STAT2: variants seen among roughly 807,000 people sequenced by gnomAD.
STAT2 encodes signal transducer and activator of transcription 2.
A neutral mutation model predicts 122.3 loss-of-function variants in STAT2; 51 were observed. The observed-to-expected ratio is 0.42, with a 90% confidence interval of 0.33 to 0.53. STAT2 has a LOEUF of 0.53. Ranked by LOEUF, STAT2 falls within the 20% of genes least tolerant of loss-of-function variation. The pLI is 0.10. For synonymous variants in STAT2, 351 were observed against 394.9 expected, an observed-to-expected ratio of 0.89 and a Z score of 1.32; for missense variants, 736 against 1,010.3, an observed-to-expected ratio of 0.73 and a Z score of 3.68.
intron 22 of STAT2, among the ~76,000 whole-genome samples, chr12:56,345,930 A>G (rs1243071423): frequency 6.6e-6 from 1 of 152,084 alleles, no homozygotes; most frequent in East Asian, 1.9e-4. Context: ...AGAACCAGAA[A>G]AAACTAGAGT....
intron 14 of STAT2, 35 bp downstream of exon 14, chr12:56,349,554 C>A: frequency 6.2e-7 from 1 of 1,614,158 alleles, no homozygotes; most frequent in South Asian, 1.1e-5. Flanking sequence ...CTTTGGCAAG[C>A]TCCCCCTGCC....
intron 10 of STAT2, 55 bp from the exon 11 acceptor site, chr12:56,350,943 A>C (rs1442084072): frequency 6.2e-7 from 1 of 1,602,370 alleles, no homozygotes; most frequent in East Asian, 2.2e-5. Context: ...TTCCGGATAG[A>C]CTAGATGTTT....
rs1307432672 is a variant in STAT2, at chr12:56,342,021, G to C, written c.*1368C>G. On this transcript the variant is annotated 3_prime_UTR_variant, in exon 24 of 24. Transcript: ENST00000314128. Reference sequence around the variant, plus strand: ...ACTATAAAAAAGAAATTCCTGCTGGGAACAGTGGCTCACGCCTGTAATCCC... The same window carrying C: ...ACTATAAAAAAGAAATTCCTGCTGGCAACAGTGGCTCACGCCTGTAATCCC... The C allele has an allele frequency of 6.6e-6, 1 of 152,380 alleles. No individual in the cohort carries two copies. Among genetic ancestry groups the C allele is most frequent in the East Asian group, 1.9e-4 (1 of 5,186 alleles). 9.4% of individuals were successfully genotyped at this position (152,380 alleles called of 1,614,324 possible).
chr12:56,356,029 C>T (rs1222960042), intron 3 of STAT2, 103 bp downstream of exon 3: 6 of 1,493,352 alleles, frequency 4.0e-6, no homozygotes, highest in East Asian at 2.3e-5. Context: ...CACATTTGTT[C>T]CCGTCTCCCT....
At chr12:56,357,024 GTATTTTT>G (rs1879616012) in intron 1 of STAT2, among the ~76,000 whole-genome samples, 1 of 103,584 alleles carries the variant, frequency 9.7e-6, no homozygotes, top group Non-Finnish European at 1.9e-5. Flanking sequence ...TGCCTAATCT[GTATTTTT>G]TTTTTTTTTT....
rs537570770 is a variant in STAT2 at position 56,349,846 on chromosome 12, C to A, written c.1210-210G>T. ...GGTGGATCACCTGAGGTCAGGAGTT[C>A]GAGACCAGCCCGACCAATATGGTGA... is the stretch of plus-strand genomic sequence containing the variant. On this transcript the variant is annotated intron_variant, in intron 13 of 23. Coordinates refer to ENST00000314128, the MANE Select transcript of STAT2 (RefSeq NM_005419.4). The A allele has an allele frequency of 8.9e-6, 6 of 677,590 alleles. No individual in the cohort carries two copies. The East Asian group carries it at 1.6e-4, about 18-fold the overall frequency. 42.0% of individuals were successfully genotyped at this position (677,590 alleles called of 1,614,324 possible).
chr12:56,351,523 CTG>C lies in STAT2; in HGVS notation c.783-75_783-74del, dbSNP rs1435460708. 10 of 1,523,194 alleles carry C rather than the reference CTG, an allele frequency of 6.6e-6. No individual in the cohort carries two copies. In the Admixed American group the frequency reaches 1.8e-4, roughly 28 times the overall value. The allele number at this position is 1,523,194 out of a possible 1,614,324, so 94.4% of individuals were successfully genotyped here. A position where few individuals can be genotyped will look rare whatever the true frequency, so the allele number is the denominator to read the frequency against. ...CCCCCATCCAGGTTCCAAGATCTCT[CTG>C]TAAATATGTGAAGAGTCAGAAACTG... On this transcript the variant is annotated intron_variant, in intron 8 of 23. Transcript: ENST00000314128.
At chr12:56,350,464 G>A (rs1372112806) in intron 11 of STAT2, 32 bp from the exon 12 acceptor site, 1 of 1,582,876 alleles carries the variant, frequency 6.3e-7, no homozygotes, top group Non-Finnish European at 8.6e-7. Flanking sequence ...AAAATCATTG[G>A]GCAAAAGAGT....
At chr12:56,354,085 T>C (rs1177400094) in intron 8 of STAT2, among the ~76,000 whole-genome samples, 1 of 125,718 alleles carries the variant, frequency 8.0e-6, no homozygotes, top group Non-Finnish European at 1.7e-5. Flanking sequence ...GATTTCAAAA[T>C]AGTATGGACA....
chr12:56,348,861 A>G (rs1877967910), intron 17 of STAT2, 57 bp from the exon 18 acceptor site: 11 of 1,614,026 alleles, frequency 6.8e-6, no homozygotes, highest in Non-Finnish European at 9.3e-6. Flanking sequence ...CCTGGGATAG[A>G]TAGGACAGAG....
At position 56,346,886 on chromosome 12, in the gene STAT2, A is replaced by G; in HGVS notation, c.1794T>C (p.Phe598=). The change falls in exon 20 of 24, where the codon TTT becomes TTC. Residue 598 remains phenylalanine (F), a synonymous_variant. Transcript: ENST00000314128. ...RLLKKTMSGT[F]LLRFSESSEG... ...CTGACGATTCACTGAAGCGCAGTAG[A>G]AAGGTGCCAGACATGGTCTTCTTCA... 1 of 1,614,172 alleles carries G rather than the reference A, an allele frequency of 6.2e-7. No individual in the cohort carries two copies. The highest frequency in any genetic ancestry group is 8.5e-7 in the Non-Finnish European group (1 of 1,180,018).
At chr12:56,349,352 G>T in intron 15 of STAT2, 74 bp downstream of exon 15, 2 of 1,614,032 alleles carry the variant, frequency 1.2e-6, no homozygotes, top group Non-Finnish European at 1.7e-6. Context: ...CACCCCAAGA[G>T]GCTTCTGTTT....
At position 56,342,426 on chromosome 12, in the gene STAT2, C is replaced by T. The variant is rs1361912124; in HGVS notation, c.*963G>A. ...CCAGCCTGGGCAATATAGCAAGACC[C>T]TGTCTTTAAAAAAAAAAAATAGGGC... is the stretch of plus-strand genomic sequence containing the variant. On this transcript the variant is annotated 3_prime_UTR_variant, in exon 24 of 24. Coordinates refer to ENST00000314128, the MANE Select transcript of STAT2 (RefSeq NM_005419.4). 1 of 151,864 alleles carries T rather than the reference C, an allele frequency of 6.6e-6. No homozygotes were observed. Among genetic ancestry groups the T allele is most frequent in the Non-Finnish European group, 1.5e-5 (1 of 68,028 alleles). 9.4% of individuals were successfully genotyped at this position (151,864 alleles called of 1,614,324 possible).
Position 56,346,907 on chromosome 12 carries a change from C to G in STAT2, c.1773G>C (p.Lys591Asn). The G allele has an allele frequency of 6.2e-7, 1 of 1,614,198 alleles. No individual in the cohort carries two copies. Among genetic ancestry groups the G allele is most frequent in the Non-Finnish European group, 8.5e-7 (1 of 1,180,046 alleles). The change falls in exon 20 of 24, where the codon AAG (lysine) becomes AAC (asparagine). Residue 591 changes from lysine (K) to asparagine (N), a missense_variant. By Grantham distance (94) the Lys-to-Asn change is moderately conservative (BLOSUM62 0). Coordinates refer to ENST00000314128, the MANE Select transcript of STAT2 (RefSeq NM_005419.4). ...VSRSQERRLL[K>N]KTMSGTFLLR... ...GTAGAAAGGTGCCAGACATGGTCTT[C>G]TTCAGCAGCCGGCGCTCCTGGCTCC...
rs1334517466 is a variant in STAT2 at position 56,342,974 on chromosome 12, CTG to C, written c.*413_*414del. Reference sequence around the variant, plus strand: ...TGGAAGAAAGAAATGGAGTCCTATCCTGTGTCTGTGCTCCCCACCAAGGGCCA... The same window carrying C: ...TGGAAGAAAGAAATGGAGTCCTATCCTGTCTGTGCTCCCCACCAAGGGCCA... On this transcript the variant is annotated 3_prime_UTR_variant, in exon 24 of 24. Coordinates refer to ENST00000314128, the MANE Select transcript of STAT2 (RefSeq NM_005419.4). 1 of 161,346 alleles carries C rather than the reference CTG, an allele frequency of 6.2e-6. No individual in the cohort carries two copies. Among genetic ancestry groups the C allele is most frequent in the African/African-American group, 2.4e-5 (1 of 41,736 alleles). 10.0% of individuals were successfully genotyped at this position (161,346 alleles called of 1,614,324 possible). A position where few individuals can be genotyped will look rare whatever the true frequency, so the allele number is the denominator to read the frequency against.
At chr12:56,353,040 G>A (rs964546891) in intron 8 of STAT2, among the ~76,000 whole-genome samples, 3 of 151,226 alleles carry the variant, frequency 2.0e-5, no homozygotes, top group Non-Finnish European at 4.4e-5. Flanking sequence ...CTGGAGTACA[G>A]TGGCATGATC....
chr12:56,357,181 C>A (rs1352939437), intron 1 of STAT2, among the ~76,000 whole-genome samples: 1 of 151,760 alleles, frequency 6.6e-6, no homozygotes, highest in Non-Finnish European at 1.5e-5. Context: ...GGATTACAGG[C>A]ACCCACCACC....
chr12:56,346,727 C>T (rs1877519789), intron 20 of STAT2, 92 bp downstream of exon 20: 2 of 1,604,064 alleles, frequency 1.2e-6, no homozygotes, highest in East Asian at 4.5e-5. Context: ...GGATTCAGTT[C>T]AGAGCCAGGG....
chr12:56,355,511 C>A lies in STAT2; in HGVS notation c.403G>T (p.Glu135Ter), dbSNP rs753806117. The A allele has an allele frequency of 1.2e-6, 2 of 1,614,024 alleles. No individual in the cohort carries two copies. The highest frequency in any genetic ancestry group is 1.7e-6 in the Non-Finnish European group (2 of 1,180,030). ...TGTTGCTGGCTCTCCACAGGTGTTT[C>A]GAGAACTGGCTCTCCTTGTTCCTGA... is the stretch of plus-strand genomic sequence containing the variant. ...AQLEQGEPVL[E>*]TPVESQQHEI... The change falls in exon 5 of 24, where the codon GAA becomes TAA. Residue 135 changes from glutamate to a stop codon, truncating the protein, a stop_gained. Transcript: ENST00000314128. LOFTEE classifies it high-confidence loss of function.
Sources: gnomAD v4.1 joint callset for allele counts (sites outside exome capture counted in the v4.1 genomes callset) on GRCh38, gnomAD v4.1.1 for gene constraint, MANE v1.5 for transcripts, NCBI Gene and HGNC (gene_info 2026-07-23, HGNC 2026-07-21) for gene names.